The following EIF4G3 variants were observed in gnomAD, a reference collection of about 807,000 sequenced individuals.
EIF4G3 encodes the protein eIF-4-gamma 3.
EIF4G3 carries 34 observed loss-of-function variants against 186.4 expected under a neutral mutation model. That is an observed-to-expected ratio of 0.18 (90% CI 0.14 to 0.24). The LOEUF (loss-of-function observed/expected upper bound fraction) is 0.24. Ranked by LOEUF, EIF4G3 falls within the 10% of genes least tolerant of loss-of-function variation. The probability of loss-of-function intolerance (pLI) is 1.00; values close to 1 mark genes in which losing one functional copy is unlikely to be tolerated. For synonymous variants in EIF4G3, 673 were observed against 679.5 expected (o/e 0.99, Z 0.15); for missense variants, 1,536 against 1,948.5 (o/e 0.79, Z 3.99).
chr1:21,098,540 G>GAAAAAAAA (rs59544256), intron 2 of EIF4G3, among the ~76,000 whole-genome samples: 1 of 72,724 alleles, frequency 1.4e-5, no homozygotes, highest in African/African-American at 4.8e-5. Flanking sequence ...GCCCTGTCTC[G>GAAAAAAAA]AAAAAAAAAA....
intron 14 of EIF4G3, among the ~76,000 whole-genome samples, chr1:20,927,735 C>A (rs1399403596): frequency 6.6e-6 from 1 of 152,210 alleles, no homozygotes; most frequent in African/African-American, 2.4e-5. Context: ...ACAGCAGAAT[C>A]ACTACTTCCA....
intron 12 of EIF4G3, among the ~76,000 whole-genome samples, chr1:20,961,188 T>C (rs1459825553): frequency 6.6e-6 from 1 of 152,044 alleles, no homozygotes; most frequent in Non-Finnish European, 1.5e-5. Context: ...ATCAAGACCA[T>C]CCTGGCCAAT....
At chr1:20,949,095 A>G (rs2096092576) in intron 13 of EIF4G3, among the ~76,000 whole-genome samples, 1 of 152,178 alleles carries the variant, frequency 6.6e-6, no homozygotes. Context: ...CATGGCTTCC[A>G]TATTGATATC....
chr1:21,103,705 G>A (rs571078586), intron 2 of EIF4G3, among the ~76,000 whole-genome samples: 3 of 152,222 alleles, frequency 2.0e-5, no homozygotes, highest in African/African-American at 4.8e-5. Context: ...TTAGCCGAGT[G>A]TGGTGGCATG....
At chr1:20,902,342 G>A (rs575832279) in intron 15 of EIF4G3, among the ~76,000 whole-genome samples, 2 of 152,244 alleles carry the variant, frequency 1.3e-5, no homozygotes, top group East Asian at 1.9e-4. Context: ...GATTACAGGC[G>A]TAAGCCACCA....
At chr1:21,115,994 G>A (rs557468925) in intron 2 of EIF4G3, among the ~76,000 whole-genome samples, 31 of 152,156 alleles carry the variant, frequency 2.0e-4, no homozygotes, top group African/African-American at 6.5e-4. Flanking sequence ...AAAGTGCTAC[G>A]ATTACAGGTG....
At chr1:21,071,774 C>T (rs1557820991) in intron 3 of EIF4G3, among the ~76,000 whole-genome samples, 1 of 150,848 alleles carries the variant, frequency 6.6e-6, no homozygotes, top group East Asian at 1.9e-4. Context: ...CCACTGCACT[C>T]CAGCCTAGGT....
chr1:21,107,660 C>T (rs1320842950), intron 2 of EIF4G3, among the ~76,000 whole-genome samples: 2 of 152,148 alleles, frequency 1.3e-5, no homozygotes, highest in African/African-American at 4.8e-5. Context: ...TACAGCTATT[C>T]ATACAAGTTA....
rs755990327 is a variant in EIF4G3 at position 20,895,491 on chromosome 1, C to A, written c.2010G>T (p.Lys670Asn). ...GCTTCTTACCTTCAGTATCAGTAGGCTTCCAGGATTCTAGAAAGAGGAATA... is the reference window on the plus strand; with the variant it reads ...GCTTCTTACCTTCAGTATCAGTAGGATTCCAGGATTCTAGAAAGAGGAATA... ...VTFPFKPESWKPTDTEGKKQY... is the reference protein window; with the variant it reads ...VTFPFKPESWNPTDTEGKKQY... The change falls in exon 17 of 37, where the codon AAG (lysine) becomes AAT (asparagine). Residue 670 changes from lysine to asparagine, a missense_variant. Coordinates refer to ENST00000602326, the MANE Select transcript of EIF4G3 (RefSeq NM_001391906.1). 1 of 1,613,858 alleles carries A rather than the reference C, an allele frequency of 6.2e-7. No homozygotes were observed. Among genetic ancestry groups the A allele is most frequent in the South Asian group, 1.1e-5 (1 of 91,058 alleles).
chr1:20,819,264 A>G (rs566460246), intron 33 of EIF4G3, among the ~76,000 whole-genome samples: 8 of 151,680 alleles, frequency 5.3e-5, no homozygotes, highest in African/African-American at 1.9e-4. Flanking sequence ...ACATTTTTAT[A>G]TATTCATTTT....
intron 20 of EIF4G3, among the ~76,000 whole-genome samples, chr1:20,873,636 G>A (rs1194794656): frequency 6.7e-6 from 1 of 150,142 alleles, no homozygotes; most frequent in East Asian, 1.9e-4. Context: ...TCTAGTGGGG[G>A]TGAATTTTAC....
chr1:21,039,880 C>G (rs1256444135), intron 4 of EIF4G3, among the ~76,000 whole-genome samples: 1 of 152,154 alleles, frequency 6.6e-6, no homozygotes, highest in Non-Finnish European at 1.5e-5. Flanking sequence ...CAAAAATAGA[C>G]AAATGGCCAA....
intron 10 of EIF4G3, among the ~76,000 whole-genome samples, chr1:20,978,155 A>C (rs1408617368): frequency 6.6e-6 from 1 of 152,168 alleles, no homozygotes; most frequent in African/African-American, 2.4e-5. Context: ...AATTACTTGG[A>C]TTTAAGTTTT....
intron 19 of EIF4G3, among the ~76,000 whole-genome samples, chr1:20,882,764 C>A (rs115633447): frequency 0.012 from 1,890 of 151,894 alleles, 38 homozygotes; most frequent in African/African-American, 0.042. Flanking sequence ...CCACTGCACT[C>A]CAGCCTGGGC....
At chr1:20,813,299 C>T (rs2059624025) in intron 34 of EIF4G3, 60 bp from the exon 35 acceptor site, 5 of 1,260,036 alleles carry the variant, frequency 4.0e-6, no homozygotes, top group Non-Finnish European at 5.7e-6. Context: ...CACAGAGGCT[C>T]ATGCCTGTAA....
chr1:21,131,045 G>C (rs1343074473), intron 2 of EIF4G3, among the ~76,000 whole-genome samples: 1 of 151,856 alleles, frequency 6.6e-6, no homozygotes, highest in Non-Finnish European at 1.5e-5. Context: ...TTCAAGACCA[G>C]GCTGGCCAAC....
rs781622563 is a variant in EIF4G3, at chr1:20,851,423, G to C, written c.3607C>G (p.Arg1203Gly). 1 of 1,614,074 alleles carries C rather than the reference G, an allele frequency of 6.2e-7. No homozygotes were observed. The highest frequency in any genetic ancestry group is 1.7e-5 in the Admixed American group (1 of 60,010). The change falls in exon 28 of 37, where the codon CGG becomes GGG. Residue 1203 changes from arginine to glycine, a missense_variant. By Grantham distance (125) the Arg-to-Gly change is moderately radical (BLOSUM62 -2). Around this residue, in one of 11 missense-constraint regions of EIF4G3, gnomAD observed 395 missense variants for 498.9 expected, o/e 0.79. Transcript: ENST00000602326. ...NDKPLPSATA[R>G]PNTFMRGGSS... ...CCACCCCTCATGAAAGTATTTGGCCGAGCTGTTGCAGATGGAAGGGGCTTG... is the reference window on the plus strand; with the variant it reads ...CCACCCCTCATGAAAGTATTTGGCCCAGCTGTTGCAGATGGAAGGGGCTTG...
chr1:20,925,053 TTAAG>T (rs1018545037), intron 14 of EIF4G3, among the ~76,000 whole-genome samples: 2 of 152,226 alleles, frequency 1.3e-5, no homozygotes, highest in African/African-American at 4.8e-5. Context: ...AAAATCATTA[TTAAG>T]TATTTCCTAC....
At chr1:21,085,305 C>T (rs1168802407) in intron 3 of EIF4G3, among the ~76,000 whole-genome samples, 3 of 152,190 alleles carry the variant, frequency 2.0e-5, no homozygotes, top group South Asian at 2.1e-4. Flanking sequence ...AAGAGGGATT[C>T]TGACAATGAT....
Sources: gnomAD v4.1 joint callset for allele counts (sites outside exome capture counted in the v4.1 genomes callset) on GRCh38, gnomAD v4.1.1 for gene constraint, gnomAD v4.1.1 regional missense constraint, MANE v1.5 for transcripts, NCBI Gene and HGNC (gene_info 2026-07-23, HGNC 2026-07-21) for gene names.